Variants in TBC1D19 observed in about 807,000 individuals in gnomAD.
TBC1D19 encodes the protein TBC1 domain family, member 19.
In TBC1D19, 60 loss-of-function variants were observed where a neutral mutation model predicts 89.0. That is an observed-to-expected ratio of 0.67 (90% CI 0.55 to 0.84). The LOEUF (loss-of-function observed/expected upper bound fraction) is 0.84, where lower values mean the gene tolerates loss of function less well. Among genes scored for constraint, TBC1D19 ranks in the 40% least tolerant of loss-of-function variants. TBC1D19 has a pLI of 0.00. For missense variants in TBC1D19, 500 were observed against 610.8 expected, an observed-to-expected ratio of 0.82 and a Z score of 1.91; for synonymous variants, 189 against 199.7, an observed-to-expected ratio of 0.95 and a Z score of 0.45.
At chr4:26,641,625 G>A (rs1359841112) in intron 7 of TBC1D19, among the ~76,000 whole-genome samples, 1 of 126,242 alleles carries the variant, frequency 7.9e-6, no homozygotes, top group Non-Finnish European at 1.9e-5. Context: ...AATAACACAC[G>A]TCTCTGAGCT....
At chr4:26,806,066 A>G in the TBC1D19 span, among the ~76,000 whole-genome samples, 1 of 152,116 alleles carries the variant, frequency 6.6e-6, no homozygotes, top group Non-Finnish European at 1.5e-5. Flanking sequence ...GCTGCCTGGC[A>G]CTGGCTCCAG....
At position 26,688,398 on chromosome 4, in the gene TBC1D19, T is replaced by C; in HGVS notation, c.945T>C (p.Tyr315=). ...NDDYYFVFED[Y]LYQVLLCFSR... ...ATTATTATTTTGTATTTGAAGATTA[T>C]TTATATCAGGTAAGTTTAAAAATAA... Residue 315 remains tyrosine (Y), a synonymous_variant, in exon 13 of 21, where the codon TAT becomes TAC. Coordinates refer to ENST00000264866, the MANE Select transcript of TBC1D19 (RefSeq NM_018317.4). 1 of 1,563,122 alleles carries C rather than the reference T, an allele frequency of 6.4e-7. No individual in the cohort carries two copies. The highest frequency in any genetic ancestry group is 1.4e-5 in the African/African-American group (1 of 73,748).
intron 4 of TBC1D19, among the ~76,000 whole-genome samples, chr4:26,636,480 C>T (rs1433121258): frequency 1.1e-5 from 1 of 87,682 alleles, no homozygotes; most frequent in Admixed American, 1.6e-4. Context: ...TCAAGAAAGT[C>T]AGTATCATAA....
chr4:26,741,910 T>G (rs1718398893), intron 17 of TBC1D19, among the ~76,000 whole-genome samples: 1 of 152,200 alleles, frequency 6.6e-6, no homozygotes. Context: ...TAGATTTTAG[T>G]TTTAAAAAAT....
At chr4:26,721,172 AAT>A (rs1369924200) in intron 15 of TBC1D19, among the ~76,000 whole-genome samples, 1 of 151,862 alleles carries the variant, frequency 6.6e-6, no homozygotes. Context: ...ATTACTCTAA[AAT>A]ATATCCAGTT....
chr4:26,786,375 C>T, the TBC1D19 span, among the ~76,000 whole-genome samples: 1 of 152,140 alleles, frequency 6.6e-6, no homozygotes, highest in Non-Finnish European at 1.5e-5. Flanking sequence ...TGGCTCACAC[C>T]TGTAATCCCG....
chr4:26,738,784 A>T (rs1318495073), intron 16 of TBC1D19, among the ~76,000 whole-genome samples: 3 of 152,130 alleles, frequency 2.0e-5, no homozygotes, highest in Non-Finnish European at 4.4e-5. Flanking sequence ...AATACTGTGC[A>T]TTGCTGTTTA....
At chr4:26,685,614 CAGAACTGTATTCT>C (rs900861532) in intron 12 of TBC1D19, among the ~76,000 whole-genome samples, 3 of 152,180 alleles carry the variant, frequency 2.0e-5, no homozygotes, top group African/African-American at 7.2e-5. Context: ...AATCTGACTT[CAGAACTGTATTCT>C]TAACCACTAA....
chr4:26,607,039 G>A (rs913693274), intron 1 of TBC1D19, among the ~76,000 whole-genome samples: 6 of 152,158 alleles, frequency 3.9e-5, no homozygotes, highest in African/African-American at 1.4e-4. Flanking sequence ...AACTGGATTT[G>A]TGTATGTGTG....
At chr4:26,783,565 T>TA in the TBC1D19 span, among the ~76,000 whole-genome samples, 96 of 147,434 alleles carry the variant, frequency 6.5e-4, no homozygotes, top group East Asian at 9.4e-3. Flanking sequence ...AGCACATTTT[T>TA]TAAAAAAAAG....
chr4:26,697,868 A>C (rs1469326516), intron 13 of TBC1D19, among the ~76,000 whole-genome samples: 2 of 152,232 alleles, frequency 1.3e-5, no homozygotes, highest in Admixed American at 6.5e-5. Flanking sequence ...ATCTCAAAAT[A>C]ATAAGCGCTA....
At chr4:26,797,109 A>G in the TBC1D19 span, among the ~76,000 whole-genome samples, 1 of 152,350 alleles carries the variant, frequency 6.6e-6, no homozygotes, top group African/African-American at 2.4e-5. Flanking sequence ...TTCACCGATG[A>G]CATGATTGTA....
intron 8 of TBC1D19, among the ~76,000 whole-genome samples, chr4:26,662,050 G>C (rs1205084470): frequency 1.3e-5 from 2 of 152,112 alleles, no homozygotes; most frequent in Non-Finnish European, 2.9e-5. Context: ...ACCAGTCAAG[G>C]ATCGTATGTT....
chr4:26,699,071 C>T (rs548648518), intron 13 of TBC1D19, among the ~76,000 whole-genome samples: 1 of 152,282 alleles, frequency 6.6e-6, no homozygotes, highest in South Asian at 2.1e-4. Context: ...TCAGAGTGAA[C>T]AGGCAACCTA....
chr4:26,758,433 C>T (rs1018127782), downstream of TBC1D19, among the ~76,000 whole-genome samples: 32 of 152,162 alleles, frequency 2.1e-4, no homozygotes, highest in African/African-American at 7.7e-4. Context: ...TCTACCCCTT[C>T]CCCATGTGCA....
chr4:26,607,955 G>A lies in TBC1D19; in HGVS notation c.100-5214G>A, dbSNP rs185197986. 1.4e-4 allele frequency among the ~76,000 whole-genome samples: 22 copies of A among 152,252 alleles called. No individual in the cohort carries two copies. The East Asian group carries it at 3.5e-3, about 24-fold the overall frequency. On this transcript the variant is annotated intron_variant, in intron 1 of 20. Transcript: ENST00000264866. ...GTATGCTGTGTTTGGGGTTGATTGG[G>A]CAGGCAAAGCACAAGTGCTTCTGTT...
chr4:26,588,492 A>G (rs943234520), intron 1 of TBC1D19, among the ~76,000 whole-genome samples: 1 of 151,934 alleles, frequency 6.6e-6, no homozygotes, highest in African/African-American at 2.4e-5. Flanking sequence ...TTTTAAAGCT[A>G]TTTAGGTGAA....
chr4:26,727,091 G>T (rs954724691), intron 15 of TBC1D19, among the ~76,000 whole-genome samples: 8 of 152,162 alleles, frequency 5.3e-5, no homozygotes, highest in Admixed American at 4.6e-4. Context: ...AGAACTCTGA[G>T]GCCAGCTATG....
the TBC1D19 span, among the ~76,000 whole-genome samples, chr4:26,823,141 C>G: frequency 2.0e-5 from 3 of 152,222 alleles, no homozygotes; most frequent in Non-Finnish European, 4.4e-5. Context: ...AGGAGCAAGT[C>G]ACATCTTACA....
Sources: allele counts gnomAD v4.1 joint callset (sites outside exome capture counted in the v4.1 genomes callset), GRCh38; gene constraint gnomAD v4.1.1; transcripts MANE v1.5; gene names NCBI Gene and HGNC (gene_info 2026-07-23, HGNC 2026-07-21).